Variants in CENPP observed in about 807,000 individuals in gnomAD.
CENPP encodes the protein centromere protein P.
CENPP carries 24 observed loss-of-function variants against 35.6 expected under a neutral mutation model. The observed-to-expected ratio is 0.67, with a 90% confidence interval of 0.49 to 0.95. The LOEUF (loss-of-function observed/expected upper bound fraction) is 0.95, where lower values mean the gene tolerates loss of function less well. Ranked by LOEUF, CENPP falls within the 40% of genes least tolerant of loss-of-function variation. The probability of loss-of-function intolerance (pLI) is 0.00; values close to 1 mark genes in which losing one functional copy is unlikely to be tolerated. For missense variants in CENPP, 332 were observed against 345.3 expected (o/e 0.96, Z 0.31); for synonymous variants, 120 against 125.5 (o/e 0.96, Z 0.29).
In CENPP at chr9:92,476,441, A is replaced by G. The variant is rs1034852741; in HGVS notation, c.564+96582A>G. ...ACGAGGGCTAGAATGTCCTACTGTC[A>G]TTAGTTATTAACCTGATAATTACTT... On this transcript the variant is annotated intron_variant, in intron 5 of 7. Coordinates refer to ENST00000375587, the MANE Select transcript of CENPP (RefSeq NM_001012267.3). The surrounding 1 kb of genome is among the most constrained non-coding windows in gnomAD (Gnocchi z 4.1). Among the ~76,000 whole-genome samples the G allele has an allele frequency of 1.3e-5, 2 of 152,214 alleles. No individual in the cohort carries two copies. Among genetic ancestry groups the G allele is most frequent in the African/African-American group, 4.8e-5 (2 of 41,462 alleles).
chr9:92,466,599 T>C (rs576973569), intron 5 of CENPP: 1 of 1,564,178 alleles, frequency 6.4e-7, no homozygotes, highest in Admixed American at 1.7e-5. Flanking sequence ...AGTTACACAA[T>C]ATTAGGAAGT....
intron 5 of CENPP, among the ~76,000 whole-genome samples, chr9:92,461,690 AT>A (rs1231104917): frequency 1.2e-4 from 19 of 152,314 alleles, no homozygotes; most frequent in African/African-American, 4.6e-4. Context: ...GCCTAGATCC[AT>A]TCTGTCATTA....
intron 5 of CENPP, among the ~76,000 whole-genome samples, chr9:92,427,362 CA>C (rs1236910517): frequency 6.6e-6 from 1 of 152,160 alleles, no homozygotes; most frequent in Non-Finnish European, 1.5e-5. Flanking sequence ...TGGGTTTCAC[CA>C]TGTTGGCCAG....
At chr9:92,512,807 A>ACT (rs1308685368) in intron 5 of CENPP, among the ~76,000 whole-genome samples, 1 of 152,182 alleles carries the variant, frequency 6.6e-6, no homozygotes, top group Non-Finnish European at 1.5e-5. Context: ...TAAAACCATA[A>ACT]CAGTGTAGCT....
intron 5 of CENPP, among the ~76,000 whole-genome samples, chr9:92,407,130 G>C (rs77069639): frequency 0.097 from 14,728 of 152,224 alleles, 803 homozygotes; most frequent in Middle Eastern, 0.15. Context: ...ATATGTGGCA[G>C]TGTATGTGGG....
At chr9:92,559,147 G>A (rs1430116011) in intron 5 of CENPP, among the ~76,000 whole-genome samples, 13 of 152,172 alleles carry the variant, frequency 8.5e-5, no homozygotes, top group Admixed American at 8.5e-4. Context: ...GAGGCTTCTT[G>A]TCCCGTTCAA....
intron 5 of CENPP, chr9:92,386,356 A>G (rs368549886): frequency 1.9e-6 from 2 of 1,050,386 alleles, no homozygotes; most frequent in African/African-American, 1.6e-5. Flanking sequence ...CACAGGATTC[A>G]AGCAATATAT....
At chr9:92,497,942 A>G (rs1846450074) in intron 5 of CENPP, among the ~76,000 whole-genome samples, 1 of 151,342 alleles carries the variant, frequency 6.6e-6, no homozygotes, top group Non-Finnish European at 1.5e-5. Flanking sequence ...TTGCCATGTA[A>G]TCTCTACACA....
Position 92,613,249 on chromosome 9 carries a change from C to A in CENPP, c.*100C>A. On this transcript the variant is annotated 3_prime_UTR_variant, in exon 8 of 8. Coordinates refer to ENST00000375587, the MANE Select transcript of CENPP (RefSeq NM_001012267.3). ...CTATTTTCTGCTTAGAAACCACACC[C>A]TGAAGACGTGCTGTCTATGCAGTTA... 7.1e-7 allele frequency: 1 copy of A among 1,409,622 alleles called. No homozygotes were observed. Among genetic ancestry groups the A allele is most frequent in the Non-Finnish European group, 1.0e-6 (1 of 1,004,830 alleles). 87.3% of individuals were successfully genotyped at this position (1,409,622 alleles called of 1,614,324 possible).
Position 92,612,584 on chromosome 9 carries a change from C to T in CENPP, c.706C>T (p.Leu236=). ...TGAAGATGGGAAGGTTTTTCCAAAGCTGGATCTTCTCACCAAAGTCCCACA... is the reference window on the plus strand; with the variant it reads ...TGAAGATGGGAAGGTTTTTCCAAAGTTGGATCTTCTCACCAAAGTCCCACA... ...IDEDGKVFPK[L]DLLTKVPQRA... The change falls in exon 7 of 8, where the codon CTG becomes TTG. Residue 236 remains leucine (L), a synonymous_variant. Transcript: ENST00000375587. 6.2e-7 allele frequency: 1 copy of T among 1,614,098 alleles called. No homozygotes were observed. The highest frequency in any genetic ancestry group is 1.3e-5 in the African/African-American group (1 of 75,022).
At chr9:92,393,157 T>G in intron 5 of CENPP, 1 of 1,613,982 alleles carries the variant, frequency 6.2e-7, no homozygotes, top group Non-Finnish European at 8.5e-7. Flanking sequence ...GGCTGATTCC[T>G]TTGGTAAGGG....
At chr9:92,526,578 G>C (rs898355602) in intron 5 of CENPP, among the ~76,000 whole-genome samples, 1 of 150,370 alleles carries the variant, frequency 6.7e-6, no homozygotes, top group African/African-American at 2.4e-5. Flanking sequence ...AAATAATAAA[G>C]ATCAGAATAG....
intron 4 of CENPP, among the ~76,000 whole-genome samples, chr9:92,356,550 C>T (rs1388613980): frequency 2.6e-5 from 4 of 152,288 alleles, no homozygotes; most frequent in Admixed American, 6.5e-5. Flanking sequence ...CGTACATCCT[C>T]AGCTTATGAA....
At chr9:92,384,909 T>G (rs937685764) in intron 5 of CENPP, 1 of 152,482 alleles carries the variant, frequency 6.6e-6, no homozygotes, top group African/African-American at 2.4e-5. Context: ...AGTTTAAAAC[T>G]TTTTTTGGTA....
intron 5 of CENPP, among the ~76,000 whole-genome samples, chr9:92,574,797 C>G (rs762031394): frequency 6.6e-6 from 1 of 152,178 alleles, no homozygotes; most frequent in Non-Finnish European, 1.5e-5. Context: ...CTGGAGGACT[C>G]ATTTCTTAAT....
intron 5 of CENPP, among the ~76,000 whole-genome samples, chr9:92,537,335 C>T (rs1849206538): frequency 6.6e-6 from 1 of 152,008 alleles, no homozygotes; most frequent in African/African-American, 2.4e-5. Flanking sequence ...ACTCAACTTC[C>T]TAAAAATAAG....
At position 92,371,692 on chromosome 9, in the gene CENPP, C is replaced by T. The variant is rs72752423; in HGVS notation, c.468-8071C>T. On this transcript the variant is annotated intron_variant, in intron 4 of 7. Coordinates refer to ENST00000375587, the MANE Select transcript of CENPP (RefSeq NM_001012267.3). ...TTTATTATCTGTCTAATGCTGTGAACGGAGTGTTGATGTCCCCCATTATTA... is the reference window on the plus strand; with the variant it reads ...TTTATTATCTGTCTAATGCTGTGAATGGAGTGTTGATGTCCCCCATTATTA... 9.7e-3 allele frequency among the ~76,000 whole-genome samples: 1,482 copies of T among 152,100 alleles called. 16 individuals carry two copies. The highest frequency in any genetic ancestry group is 0.014 in the Non-Finnish European group (923 of 67,982).
At chr9:92,566,359 A>C (rs1849968487) in intron 5 of CENPP, among the ~76,000 whole-genome samples, 1 of 152,016 alleles carries the variant, frequency 6.6e-6, no homozygotes, top group African/African-American at 2.4e-5. Flanking sequence ...ATAGCCTTTC[A>C]AAGGAAAAAA....
chr9:92,568,615 T>A (rs1850056732), intron 5 of CENPP, among the ~76,000 whole-genome samples: 1 of 152,206 alleles, frequency 6.6e-6, no homozygotes, highest in Non-Finnish European at 1.5e-5. Context: ...ATGGGATGGC[T>A]GGGTCAAATG....
Sources: gnomAD v4.1 joint callset for allele counts (sites outside exome capture counted in the v4.1 genomes callset) on GRCh38, gnomAD v4.1.1 for gene constraint, Gnocchi (gnomAD v3.1) non-coding constraint, MANE v1.5 for transcripts, NCBI Gene and HGNC (gene_info 2026-07-23, HGNC 2026-07-21) for gene names.